PRKN: variants seen among roughly 807,000 people sequenced by gnomAD.
The protein encoded by PRKN is E3 ubiquitin-protein ligase parkin.
PRKN carries 56 observed loss-of-function variants against 59.5 expected under a neutral mutation model. The observed-to-expected ratio is 0.94, with a 90% CI of 0.76 to 1.18. The LOEUF is 1.18. PRKN is among the 50% of genes most tolerant of loss of function. The pLI is 0.00. For synonymous variants in PRKN, 250 were observed against 222.1 expected, an observed-to-expected ratio of 1.13 and a Z score of -1.12; for missense variants, 657 against 596.4, an observed-to-expected ratio of 1.10 and a Z score of -1.06.
chr6:161,789,561 G>A (rs755816085), intron 6 of PRKN, among the ~76,000 whole-genome samples: 5 of 152,098 alleles, frequency 3.3e-5, no homozygotes, highest in Non-Finnish European at 7.3e-5. Flanking sequence ...AGATCTCCAA[G>A]GAACTTTCTC....
At position 161,743,094 on chromosome 6, in the gene PRKN, A is replaced by G. The variant is rs187886783; in HGVS notation, c.871+42678T>C. Reference sequence around the variant, plus strand: ...AGTTTCAACTTATTGGCTGAAATGAATTTTTTTTTCCCCACAGATTAGATT... The same window carrying G: ...AGTTTCAACTTATTGGCTGAAATGAGTTTTTTTTTCCCCACAGATTAGATT... On this transcript the variant is annotated intron_variant, in intron 7 of 11. Coordinates refer to ENST00000366898, the MANE Select transcript of PRKN (RefSeq NM_004562.3). Among the ~76,000 whole-genome samples, 453 of 151,148 alleles carry G rather than the reference A, an allele frequency of 3.0e-3. 1 individual carries two copies. The highest frequency in any genetic ancestry group is 4.9e-3 in the Non-Finnish European group (329 of 67,784).
intron 6 of PRKN, among the ~76,000 whole-genome samples, chr6:161,837,419 G>A (rs1237461826): frequency 6.6e-6 from 1 of 152,140 alleles, no homozygotes; most frequent in Non-Finnish European, 1.5e-5. Context: ...ACTGAGATTA[G>A]GTATCAACAG....
At chr6:162,255,998 T>C (rs1779625079) in intron 3 of PRKN, among the ~76,000 whole-genome samples, 1 of 152,140 alleles carries the variant, frequency 6.6e-6, no homozygotes, top group Non-Finnish European at 1.5e-5. Flanking sequence ...AGATTGAGCA[T>C]TAATTTGCAA....
intron 2 of PRKN, among the ~76,000 whole-genome samples, chr6:162,315,657 A>G (rs9458511): frequency 0.26 from 38,947 of 152,068 alleles, 6,361 homozygotes; most frequent in East Asian, 0.53. Flanking sequence ...CCCACAAAAA[A>G]GGTAGCCAAC....
intron 9 of PRKN, among the ~76,000 whole-genome samples, chr6:161,406,592 C>T (rs1787287877): frequency 6.6e-6 from 1 of 151,256 alleles, no homozygotes; most frequent in East Asian, 1.9e-4. Context: ...AACAAAGTGG[C>T]TTCTTAGTAT....
chr6:162,467,374 G>A (rs768497708), intron 1 of PRKN, among the ~76,000 whole-genome samples: 2 of 151,962 alleles, frequency 1.3e-5, no homozygotes, highest in Non-Finnish European at 2.9e-5. Flanking sequence ...CTTATCATGC[G>A]CTCTCCTAAA....
intron 1 of PRKN, among the ~76,000 whole-genome samples, chr6:162,726,281 A>G (rs1779181738): frequency 6.6e-6 from 1 of 152,236 alleles, no homozygotes; most frequent in South Asian, 2.1e-4. Context: ...TGTCTTCAAA[A>G]TAAGGTATAG....
intron 4 of PRKN, among the ~76,000 whole-genome samples, chr6:162,105,293 G>C (rs1265838335): frequency 1.3e-5 from 2 of 152,194 alleles, no homozygotes; most frequent in African/African-American, 4.8e-5. Context: ...AATTGGGAGA[G>C]AAATGCTATA....
At chr6:161,644,805 C>G (rs13202411) in intron 7 of PRKN, among the ~76,000 whole-genome samples, 34,215 of 152,218 alleles carry the variant, frequency 0.22, 4,254 homozygotes, top group Middle Eastern at 0.35. Context: ...TGAGGACATG[C>G]ACCCAGGCAG....
chr6:162,225,886 G>GTATATATATATATATA lies in PRKN; in HGVS notation c.413-24650_413-24635dup, dbSNP rs58925653. ...AAATGACTGCTGTTAATGTAGGGCT[G>GTATATATATATATATA]TATATATATATATATATATACTTTT... On this transcript the variant is annotated intron_variant, in intron 3 of 11. Transcript: ENST00000366898. 7.7e-5 allele frequency among the ~76,000 whole-genome samples: 11 copies of GTATATATATATATATA among 143,172 alleles called. No individual in the cohort carries two copies. In the South Asian group the frequency reaches 1.1e-3, roughly 15 times the overall value. 93.9% of individuals were successfully genotyped at this position (143,172 alleles called of 152,430 possible).
intron 6 of PRKN, among the ~76,000 whole-genome samples, chr6:161,848,948 C>T (rs562246472): frequency 8.5e-5 from 13 of 152,272 alleles, no homozygotes; most frequent in East Asian, 1.9e-4. Flanking sequence ...TTGGTGACTA[C>T]GGATATTTTT....
At chr6:161,350,648 T>TATAA (rs1395587590) in intron 11 of PRKN, among the ~76,000 whole-genome samples, 3 of 96,420 alleles carry the variant, frequency 3.1e-5, no homozygotes, top group African/African-American at 1.4e-4. Flanking sequence ...ATTTAAAATA[T>TATAA]ATATATTTTT....
chr6:162,612,029 CG>C (rs1357652034), intron 1 of PRKN, among the ~76,000 whole-genome samples: 23 of 134,770 alleles, frequency 1.7e-4, no homozygotes, highest in East Asian at 5.7e-4. Context: ...ACTAAAAATA[CG>C]AAAAAAAAAA....
chr6:162,147,607 A>C (rs977259171), intron 4 of PRKN, among the ~76,000 whole-genome samples: 3 of 152,150 alleles, frequency 2.0e-5, no homozygotes, highest in Admixed American at 2.0e-4. Flanking sequence ...TACCTTACAG[A>C]TTTATATTTT....
chr6:161,473,238 A>ATT lies in PRKN; in HGVS notation c.1083+75615_1083+75616insAA, dbSNP rs1790881855. Among the ~76,000 whole-genome samples, 2 of 152,204 alleles carry ATT rather than the reference A, an allele frequency of 1.3e-5. No individual in the cohort carries two copies. On this transcript the variant is annotated intron_variant, in intron 9 of 11. Transcript: ENST00000366898. The surrounding 1 kb of genome is among the most constrained non-coding windows in gnomAD (Gnocchi z 4.1). ...TTATTTACAATAGCAAGATATGCAA[A>ATT]CAACCTAAGTAAGCATCAAAGGATG...
At chr6:161,868,317 A>C (rs113323587) in intron 6 of PRKN, among the ~76,000 whole-genome samples, 7,533 of 149,620 alleles carry the variant, frequency 0.05, 633 homozygotes, top group African/African-American at 0.18. Flanking sequence ...AGTGGCTCAC[A>C]CCTGTAATCC....
At position 162,163,015 on chromosome 6, in the gene PRKN, T is replaced by C. The variant is rs768562052; in HGVS notation, c.534+38116A>G. Among the ~76,000 whole-genome samples, 8 of 145,356 alleles carry C rather than the reference T, an allele frequency of 5.5e-5. 1 individual carries two copies. Among genetic ancestry groups the C allele is most frequent in the Non-Finnish European group, 8.9e-5 (6 of 67,352 alleles). ...AGAGCGAGATTCTGTCTCAAAAAAA[T>C]AAATAAATAAAAAGAAAAATTTCTC... On this transcript the variant is annotated intron_variant, in intron 4 of 11. Coordinates refer to ENST00000366898, the MANE Select transcript of PRKN (RefSeq NM_004562.3).
intron 4 of PRKN, among the ~76,000 whole-genome samples, chr6:162,113,477 C>T (rs183498850): frequency 1.8e-4 from 28 of 152,194 alleles, no homozygotes; most frequent in Admixed American, 1.4e-3. Context: ...AGTTAAATTA[C>T]CCTCCACCTG....
intron 6 of PRKN, among the ~76,000 whole-genome samples, chr6:161,900,511 T>A (rs991319703): frequency 6.5e-4 from 89 of 137,886 alleles, no homozygotes; most frequent in African/African-American, 2.4e-3. Flanking sequence ...TAATATATAT[T>A]ATATATACAA....
Sources: gnomAD v4.1 joint callset for allele counts (sites outside exome capture counted in the v4.1 genomes callset) on GRCh38, gnomAD v4.1.1 for gene constraint, Gnocchi (gnomAD v3.1) non-coding constraint, MANE v1.5 for transcripts, NCBI Gene and HGNC (gene_info 2026-07-23, HGNC 2026-07-21) for gene names.